Variants in DOCK3 observed in about 807,000 individuals in gnomAD.
DOCK3 encodes the protein dedicator of cytokinesis protein 3.
In DOCK3, 60 loss-of-function variants were observed where a neutral mutation model predicts 265.6. The observed-to-expected ratio is 0.23, with a 90% CI of 0.18 to 0.28. The LOEUF is 0.28. DOCK3 is among the 10% of genes least tolerant of loss of function. The pLI is 1.00. For missense variants in DOCK3, 1,981 were observed against 2,594.3 expected (o/e 0.76, Z 5.14); for synonymous variants, 881 against 938.0 (o/e 0.94, Z 1.11).
At chr3:51,323,388 A>T (rs1198528422) in intron 32 of DOCK3, among the ~76,000 whole-genome samples, 1 of 152,202 alleles carries the variant, frequency 6.6e-6, no homozygotes, top group East Asian at 1.9e-4. Context: ...TCCACCCCAA[A>T]TCAACAGAAT....
intron 32 of DOCK3, among the ~76,000 whole-genome samples, chr3:51,316,676 CA>C (rs1486114196): frequency 6.6e-6 from 1 of 152,178 alleles, no homozygotes; most frequent in Non-Finnish European, 1.5e-5. Context: ...AGTTGTATAT[CA>C]TTGTGGTTTT....
At chr3:51,012,675 C>T (rs2079000838) in intron 5 of DOCK3, among the ~76,000 whole-genome samples, 2 of 152,112 alleles carry the variant, frequency 1.3e-5, no homozygotes, top group South Asian at 4.2e-4. Context: ...GTCCGATAAG[C>T]CCCAATGAGA....
At chr3:50,803,839 T>C (rs1167763129) in intron 2 of DOCK3, among the ~76,000 whole-genome samples, 1 of 149,120 alleles carries the variant, frequency 6.7e-6, no homozygotes, top group Non-Finnish European at 1.5e-5. Flanking sequence ...GGGTTGGGGC[T>C]GCCCCCCACC....
At chr3:51,271,416 C>T (rs2080486959) in intron 24 of DOCK3, among the ~76,000 whole-genome samples, 1 of 152,118 alleles carries the variant, frequency 6.6e-6, no homozygotes, top group Non-Finnish European at 1.5e-5. Context: ...TGTCTTCTCT[C>T]TGTGTTCTCA....
At chr3:50,907,722 C>T (rs188085382) in intron 4 of DOCK3, among the ~76,000 whole-genome samples, 2 of 152,150 alleles carry the variant, frequency 1.3e-5, no homozygotes, top group African/African-American at 4.8e-5. Flanking sequence ...CAGTCTGTGC[C>T]TTTTAATTGG....
chr3:51,036,526 T>C (rs1400252440), intron 5 of DOCK3, among the ~76,000 whole-genome samples: 2 of 152,164 alleles, frequency 1.3e-5, no homozygotes, highest in East Asian at 1.9e-4. Flanking sequence ...TCTCTCATGG[T>C]CATATATCTA....
chr3:51,316,678 T>C (rs900899170), intron 32 of DOCK3, among the ~76,000 whole-genome samples: 8 of 152,232 alleles, frequency 5.3e-5, no homozygotes, highest in African/African-American at 1.9e-4. Flanking sequence ...TTGTATATCA[T>C]TGTGGTTTTC....
chr3:50,968,457 G>T (rs377644248), intron 5 of DOCK3, among the ~76,000 whole-genome samples: 72 of 152,150 alleles, frequency 4.7e-4, no homozygotes, highest in African/African-American at 1.7e-3. Context: ...TACTCATAAG[G>T]CTTCATTTAT....
At chr3:51,261,695 A>T (rs1396926797) in intron 23 of DOCK3, among the ~76,000 whole-genome samples, 5 of 152,192 alleles carry the variant, frequency 3.3e-5, no homozygotes, top group African/African-American at 9.6e-5. Context: ...CAGCAGTCTG[A>T]TGTCGATCTG....
At chr3:51,216,377 G>A (rs57577112) in intron 14 of DOCK3, among the ~76,000 whole-genome samples, 3,790 of 152,270 alleles carry the variant, frequency 0.025, 183 homozygotes, top group African/African-American at 0.086. Context: ...GCATTGGTGA[G>A]GCAAGCTGAG....
chr3:51,095,431 C>T (rs1392293561), intron 9 of DOCK3, among the ~76,000 whole-genome samples: 1 of 152,022 alleles, frequency 6.6e-6, no homozygotes, highest in East Asian at 1.9e-4. Flanking sequence ...CTTAGTGTGG[C>T]TGGATATAAA....
At chr3:51,037,282 A>G (rs139059097) in intron 5 of DOCK3, among the ~76,000 whole-genome samples, 1,903 of 152,196 alleles carry the variant, frequency 0.013, 26 homozygotes, top group Non-Finnish European at 0.021. Context: ...TACTGAAATG[A>G]CCATTATCTT....
chr3:50,814,159 A>G (rs2043926710), intron 2 of DOCK3, among the ~76,000 whole-genome samples: 2 of 152,218 alleles, frequency 1.3e-5, no homozygotes, highest in Non-Finnish European at 2.9e-5. Context: ...TAGAAGAGTT[A>G]TAAGATAGTA....
rs1269559123 is a variant in DOCK3 at position 50,675,234 on chromosome 3, C to T, written c.-30C>T. On this transcript the variant is annotated 5_prime_UTR_variant, in exon 1 of 53. Transcript: ENST00000266037. The surrounding 1 kb of genome is among the most constrained non-coding windows in gnomAD (Gnocchi z 6.1). ...CCCCGCCGCGTTGTCGCCCGGTCGC[C>T]GCGCCCGCGGGGCCGCGCCCGGCAC... 16 of 1,162,114 alleles carry T rather than the reference C, an allele frequency of 1.4e-5. No individual in the cohort carries two copies. The highest frequency in any genetic ancestry group is 1.6e-5 in the African/African-American group (1 of 60,732). The allele number at this position is 1,162,114 out of a possible 1,614,324, so 72.0% of individuals were successfully genotyped here.
At chr3:51,056,181 A>G (rs1054297779) in intron 5 of DOCK3, among the ~76,000 whole-genome samples, 7 of 152,128 alleles carry the variant, frequency 4.6e-5, no homozygotes, top group Admixed American at 2.6e-4. Context: ...GTTGCTGACT[A>G]TGTTGTTCGG....
At chr3:51,132,980 A>G (rs2084627061) in intron 9 of DOCK3, among the ~76,000 whole-genome samples, 1 of 151,878 alleles carries the variant, frequency 6.6e-6, no homozygotes, top group East Asian at 1.9e-4. Flanking sequence ...CTGAGACAAC[A>G]CTGATGGCCT....
At chr3:51,232,037 T>C (rs899380906) in intron 19 of DOCK3, among the ~76,000 whole-genome samples, 1 of 152,248 alleles carries the variant, frequency 6.6e-6, no homozygotes, top group African/African-American at 2.4e-5. Context: ...AATGTAAATA[T>C]ACTGCCTGAG....
chr3:51,280,353 C>T (rs1048486138), intron 27 of DOCK3, 149 bp downstream of exon 27: 1 of 747,152 alleles, frequency 1.3e-6, no homozygotes, highest in Non-Finnish European at 2.1e-6. Flanking sequence ...TGAGTGTTGG[C>T]CTCCAGAAGC....
chr3:50,720,822 T>C, intron 1 of DOCK3, among the ~76,000 whole-genome samples: 1 of 152,232 alleles, frequency 6.6e-6, no homozygotes, highest in Admixed American at 6.5e-5. Context: ...CCACCAGCAG[T>C]GTATAAGCGT....
Sources: gnomAD v4.1 joint callset for allele counts (sites outside exome capture counted in the v4.1 genomes callset) on GRCh38, gnomAD v4.1.1 for gene constraint, Gnocchi (gnomAD v3.1) non-coding constraint, MANE v1.5 for transcripts, NCBI Gene and HGNC (gene_info 2026-07-23, HGNC 2026-07-21) for gene names.